POMT2: variants seen among roughly 807,000 people sequenced by gnomAD.
The protein encoded by POMT2 is protein O-mannosyltransferase 2.
In POMT2, 75 loss-of-function variants were observed where a neutral mutation model predicts 100.0. The ratio of observed to expected loss-of-function variants is 0.75; its 90% CI spans 0.62 to 0.91. The LOEUF (loss-of-function observed/expected upper bound fraction) is 0.91, where lower values mean the gene tolerates loss of function less well. Among genes scored for constraint, POMT2 ranks in the 40% least tolerant of loss-of-function variants. POMT2 has a pLI of 0.00. For missense variants in POMT2, 940 were observed against 955.1 expected (o/e 0.98, Z 0.21); for synonymous variants, 378 against 374.1 (o/e 1.01, Z -0.12).
chr14:77,278,221 G>C (rs1490677917), intron 20 of POMT2, 173 bp downstream of exon 20: 4 of 644,418 alleles, frequency 6.2e-6, no homozygotes, highest in Non-Finnish European at 1.1e-5. Flanking sequence ...TGCACATTAG[G>C]ATCACCTGGG....
Position 77,283,811 on chromosome 14 carries a change from T to C in POMT2, c.1639A>G (p.Met547Val). 1 of 1,610,362 alleles carries C rather than the reference T, an allele frequency of 6.2e-7. No individual in the cohort carries two copies. The highest frequency in any genetic ancestry group is 1.1e-5 in the South Asian group (1 of 90,984). The stretch of plus-strand genomic sequence containing the variant: ...GGGACACATACCCGGATCATGACCA[T>C]GTGGGATTCCAGCAAGATCTCAGGA... ...SFPEILLESH[M>V]VMIRGNSGLK... is the part of the protein sequence containing the mutation. Residue 547 changes from methionine (M) to valine (V), a missense_variant, in exon 15 of 21, where the codon ATG (methionine) becomes GTG (valine). Met to Val is a conservative substitution (Grantham distance 21). Coordinates refer to ENST00000261534, the MANE Select transcript of POMT2 (RefSeq NM_013382.7).
At chr14:77,312,884 C>T (rs1017662327) in intron 1 of POMT2, among the ~76,000 whole-genome samples, 1 of 152,178 alleles carries the variant, frequency 6.6e-6, no homozygotes, top group African/African-American at 2.4e-5. Context: ...TGTGATCTGG[C>T]TGATCTTATA....
At chr14:77,299,742 A>G in intron 6 of POMT2, 181 bp from the exon 7 acceptor site, 1 of 590,082 alleles carries the variant, frequency 1.7e-6, no homozygotes, top group Admixed American at 2.2e-5. Context: ...CCCAAGCACT[A>G]CACAAGATAA....
chr14:77,320,153 G>C (rs1283996646), intron 1 of POMT2, among the ~76,000 whole-genome samples: 1 of 152,122 alleles, frequency 6.6e-6, no homozygotes, highest in Non-Finnish European at 1.5e-5. Flanking sequence ...ACCTTTAAAA[G>C]CCACAATTTG....
At chr14:77,306,470 G>A in intron 2 of POMT2, 29 bp from the exon 3 acceptor site, 1 of 1,609,086 alleles carries the variant, frequency 6.2e-7, no homozygotes, top group Non-Finnish European at 8.5e-7. Context: ...ACAAAAAGAT[G>A]AGAAGCCTTT....
In POMT2 at chr14:77,278,394, C is replaced by T; in HGVS notation, c.2147G>A (p.Ser716Asn). Reference protein sequence around the residue: ...ILSLLLGTAYSFYLFHPLAYG... With the variant: ...ILSLLLGTAYNFYLFHPLAYG... ...GCATGTGAGGTGCAGAGATGCTCACCTGTAGGCAGTTCCCAGGAGCAGGCT... is the reference window on the plus strand; with the variant it reads ...GCATGTGAGGTGCAGAGATGCTCACTTGTAGGCAGTTCCCAGGAGCAGGCT... The change falls in exon 20 of 21, where the codon AGC becomes AAC. Residue 716 changes from serine (S) to asparagine (N), a missense_variant and splice_region_variant. Ser to Asn is a conservative substitution (Grantham distance 46). Transcript: ENST00000261534. 6.8e-7 allele frequency: 1 copy of T among 1,462,804 alleles called. No homozygotes were observed. Among genetic ancestry groups the T allele is most frequent in the Non-Finnish European group, 9.4e-7 (1 of 1,066,928 alleles). 90.6% of individuals were successfully genotyped at this position (1,462,804 alleles called of 1,614,324 possible).
intron 1 of POMT2, among the ~76,000 whole-genome samples, chr14:77,313,177 C>T (rs899926848): frequency 6.6e-6 from 1 of 152,134 alleles, no homozygotes. Flanking sequence ...GTCATCAATC[C>T]CCAGGTCATG....
At chr14:77,318,685 T>C (rs936759947) in intron 1 of POMT2, among the ~76,000 whole-genome samples, 6 of 151,782 alleles carry the variant, frequency 4.0e-5, no homozygotes, top group African/African-American at 1.2e-4. Flanking sequence ...AATATGTTAG[T>C]GTAAGGAAGA....
chr14:77,312,816 A>G (rs1891487902), intron 1 of POMT2, among the ~76,000 whole-genome samples: 2 of 152,232 alleles, frequency 1.3e-5, no homozygotes, highest in Admixed American at 1.3e-4. Flanking sequence ...TCTATAAACC[A>G]TGAGTGTCAC....
At chr14:77,285,093 G>T (rs777906575) in intron 13 of POMT2, 52 bp from the exon 14 acceptor site, 1 of 1,445,058 alleles carries the variant, frequency 6.9e-7, no homozygotes, top group Non-Finnish European at 9.7e-7. Context: ...AAATCCACCA[G>T]AGAGTGACAC....
chr14:77,302,518 C>T (rs1440961313), intron 5 of POMT2, among the ~76,000 whole-genome samples: 3 of 152,162 alleles, frequency 2.0e-5, no homozygotes, highest in Admixed American at 1.3e-4. Flanking sequence ...TATTAGGACC[C>T]CCCATGATAT....
Position 77,285,512 on chromosome 14 carries a change from G to T in POMT2, c.1453C>A (p.Leu485Met). ...RFIHLVTGCV[L>M]GSSGKVLPKW... ...GGCAGAACCTTTCCCGAGGAGCCCA[G>T]GACACAACCTGTGACCAAATGGATG... Residue 485 changes from leucine (L) to methionine (M), a missense_variant, in exon 13 of 21, where the codon CTG becomes ATG. Transcript: ENST00000261534. The T allele has an allele frequency of 1.2e-6, 2 of 1,614,132 alleles. No homozygotes were observed. Among genetic ancestry groups the T allele is most frequent in the Non-Finnish European group, 1.7e-6 (2 of 1,180,016 alleles).
chr14:77,304,934 A>T, intron 3 of POMT2, 134 bp from the exon 4 acceptor site: 1 of 1,451,002 alleles, frequency 6.9e-7, no homozygotes, highest in East Asian at 2.6e-5. Context: ...GTCACCTAGG[A>T]TATCTATAAC....
At chr14:77,310,197 C>A (rs1197085861) in intron 2 of POMT2, among the ~76,000 whole-genome samples, 1 of 152,314 alleles carries the variant, frequency 6.6e-6, no homozygotes, top group East Asian at 1.9e-4. Context: ...CAGATGTAGT[C>A]TGAGGAGTGA....
At chr14:77,288,655 C>T in intron 11 of POMT2, 107 bp downstream of exon 11, 1 of 941,352 alleles carries the variant, frequency 1.1e-6, no homozygotes, top group Non-Finnish European at 1.7e-6. Flanking sequence ...TGGCCTTGCT[C>T]CATTGACCAG....
At chr14:77,316,483 A>G (rs1281315135) in intron 1 of POMT2, among the ~76,000 whole-genome samples, 1 of 147,512 alleles carries the variant, frequency 6.8e-6, no homozygotes, top group Admixed American at 6.9e-5. Flanking sequence ...CTGAGACAGG[A>G]GGAGCCCAGG....
intron 7 of POMT2, among the ~76,000 whole-genome samples, 184 bp from the exon 8 acceptor site, chr14:77,298,955 T>C (rs1890926884): frequency 6.6e-6 from 1 of 152,254 alleles, no homozygotes; most frequent in Non-Finnish European, 1.5e-5. Context: ...TTACTAGCTG[T>C]GCGACCTTGG....
At chr14:77,305,458 A>G (rs1189469148) in intron 3 of POMT2, among the ~76,000 whole-genome samples, 1 of 152,226 alleles carries the variant, frequency 6.6e-6, no homozygotes, top group Non-Finnish European at 1.5e-5. Flanking sequence ...GTCACATCCA[A>G]TTATGTATGG....
intron 1 of POMT2, 166 bp downstream of exon 1, chr14:77,320,268 C>T: frequency 8.5e-7 from 1 of 1,181,322 alleles, no homozygotes; most frequent in Non-Finnish European, 1.2e-6. Context: ...GATCCCCCTC[C>T]CAGAGAATGC....
Sources: gnomAD v4.1 joint callset for allele counts (sites outside exome capture counted in the v4.1 genomes callset) on GRCh38, gnomAD v4.1.1 for gene constraint, MANE v1.5 for transcripts, NCBI Gene and HGNC (gene_info 2026-07-23, HGNC 2026-07-21) for gene names.